The following KIF21A variants were observed in gnomAD, a reference collection of about 807,000 sequenced individuals.
KIF21A encodes the protein kinesin-like protein KIF21A.
Under a neutral mutation model 202.9 loss-of-function variants are expected in KIF21A, and 114 were observed. That is an observed-to-expected ratio of 0.56 (90% CI 0.48 to 0.66). The LOEUF is 0.66. Ranked by LOEUF, KIF21A falls within the 30% of genes least tolerant of loss-of-function variation. The probability of loss-of-function intolerance (pLI) is 0.00; values close to 1 mark genes in which losing one functional copy is unlikely to be tolerated. For missense variants in KIF21A, 1,677 were observed against 1,994.9 expected (o/e 0.84, Z 3.04); for synonymous variants, 667 against 670.8 (o/e 0.99, Z 0.09).
chr12:39,322,852 A>G lies in KIF21A; in HGVS notation c.3487T>C (p.Leu1163=), dbSNP rs1286012311. 6.2e-7 allele frequency: 1 copy of G among 1,610,200 alleles called. No homozygotes were observed. Among genetic ancestry groups the G allele is most frequent in the African/African-American group, 1.3e-5 (1 of 74,862 alleles). The change falls in exon 27 of 38, where the codon TTG becomes CTG. Residue 1163 remains leucine (L), a synonymous_variant. Coordinates refer to ENST00000361418, the MANE Select transcript of KIF21A (RefSeq NM_001173464.2). ...ARRRTTTQME[L]LYADSSELAS... Reference sequence around the variant, plus strand: ...AGTTCACTGCTATCTGCATACAGCAATTCCATCTGAGTGGTGGTTCTCCTT... The same window carrying G: ...AGTTCACTGCTATCTGCATACAGCAGTTCCATCTGAGTGGTGGTTCTCCTT...
In KIF21A at chr12:39,443,053, G is replaced by A. The variant is rs1460127072; in HGVS notation, c.-83C>T. 4 of 1,388,974 alleles carry A rather than the reference G, an allele frequency of 2.9e-6. No homozygotes were observed. Among genetic ancestry groups the A allele is most frequent in the Non-Finnish European group, 3.8e-6 (4 of 1,060,704 alleles). 86.0% of individuals were successfully genotyped at this position (1,388,974 alleles called of 1,614,324 possible). The stretch of plus-strand genomic sequence containing the variant: ...ACTGGGGCCGCGGGACTCGGGCGCA[G>A]TAGGCTGGGGCGTCTGCGGGCGGGC... On this transcript the variant is annotated 5_prime_UTR_variant, in exon 1 of 38. Transcript: ENST00000361418.
At chr12:39,325,936 T>A in intron 25 of KIF21A, 43 bp from the exon 26 acceptor site, 1 of 1,516,936 alleles carries the variant, frequency 6.6e-7, no homozygotes, top group South Asian at 1.1e-5. Flanking sequence ...AAATAGAAAA[T>A]TATTATAGAA....
intron 30 of KIF21A, 142 bp from the exon 31 acceptor site, chr12:39,315,382 G>GA (rs575051890): frequency 6.3e-5 from 45 of 710,376 alleles, no homozygotes; most frequent in South Asian, 1.3e-4. Context: ...TCCATAAAAT[G>GA]AAAAAAAATA....
At chr12:39,432,377 T>C (rs1239297139) in intron 1 of KIF21A, among the ~76,000 whole-genome samples, 3 of 152,146 alleles carry the variant, frequency 2.0e-5, no homozygotes, top group Non-Finnish European at 4.4e-5. Flanking sequence ...CAATAAACAC[T>C]CTTTGGTAAA....
At chr12:39,319,138 T>C (rs1411345920) in intron 28 of KIF21A, among the ~76,000 whole-genome samples, 1 of 152,202 alleles carries the variant, frequency 6.6e-6, no homozygotes, top group East Asian at 1.9e-4. Flanking sequence ...TATATTCACA[T>C]TTATTTTTAT....
chr12:39,389,217 T>C lies in KIF21A; in HGVS notation c.45-18956A>G, dbSNP rs557502809. On this transcript the variant is annotated intron_variant, in intron 1 of 37. Coordinates refer to ENST00000361418, the MANE Select transcript of KIF21A (RefSeq NM_001173464.2). Reference sequence around the variant, plus strand: ...ACACACACACACACACACACATATATACATACATGCTGATGTCTCCTGAAA... The same window carrying C: ...ACACACACACACACACACACATATACACATACATGCTGATGTCTCCTGAAA... Among the ~76,000 whole-genome samples, 10 of 146,928 alleles carry C rather than the reference T, an allele frequency of 6.8e-5. No individual in the cohort carries two copies. In the East Asian group the frequency reaches 2.1e-3, roughly 30 times the overall value.
At position 39,330,742 on chromosome 12, in the gene KIF21A, T is replaced by G. The variant is rs1475113696; in HGVS notation, c.3319+4A>C. The G allele has an allele frequency of 3.1e-6, 5 of 1,613,634 alleles. No homozygotes were observed. Among genetic ancestry groups the G allele is most frequent in the Non-Finnish European group, 4.2e-6 (5 of 1,179,714 alleles). On this transcript the variant is annotated splice_donor_region_variant and intron_variant, in intron 23 of 37. Coordinates refer to ENST00000361418, the MANE Select transcript of KIF21A (RefSeq NM_001173464.2). ...TCATTCAACTAAAATTGAGAGCAAA[T>G]TACCTTGTAAAGCATGGCCTAGTAA...
In KIF21A at chr12:39,363,222, AAG is replaced by A; in HGVS notation, c.904-11_904-10del. Reference sequence around the variant, plus strand: ...ACATTGCCAAGTGCCAACTAAAAGAAAGAGAAAGAAAGACAGCAAAATGATAC... The same window carrying A: ...ACATTGCCAAGTGCCAACTAAAAGAAAGAAAGAAAGACAGCAAAATGATAC... On this transcript the variant is annotated splice_polypyrimidine_tract_variant and intron_variant, in intron 6 of 37. Transcript: ENST00000361418. 1.3e-6 allele frequency: 2 copies of A among 1,507,374 alleles called. No homozygotes were observed. The highest frequency in any genetic ancestry group is 1.1e-5 in the South Asian group (1 of 88,554). 93.4% of individuals were successfully genotyped at this position (1,507,374 alleles called of 1,614,324 possible). A position where few individuals can be genotyped will look rare whatever the true frequency, so the allele number is the denominator to read the frequency against.
At chr12:39,390,536 A>C (rs947186634) in intron 1 of KIF21A, among the ~76,000 whole-genome samples, 1 of 152,118 alleles carries the variant, frequency 6.6e-6, no homozygotes, top group African/African-American at 2.4e-5. Flanking sequence ...CTAAGATCTA[A>C]ACCTTGCTCC....
At position 39,400,227 on chromosome 12, in the gene KIF21A, G is replaced by C. The variant is rs146574150; in HGVS notation, c.45-29966C>G. Among the ~76,000 whole-genome samples, 119 of 152,322 alleles carry C rather than the reference G, an allele frequency of 7.8e-4. 1 individual carries two copies. The highest frequency in any genetic ancestry group is 2.8e-3 in the African/African-American group (117 of 41,570). On this transcript the variant is annotated intron_variant, in intron 1 of 37. Transcript: ENST00000361418. ...CCTCTACTTTAGGTGATGAGAAGGA[G>C]AGCTGAGAGTCCAAGATCTTTTAAA...
At chr12:39,424,548 CACA>C (rs1954598461) in intron 1 of KIF21A, among the ~76,000 whole-genome samples, 3 of 152,164 alleles carry the variant, frequency 2.0e-5, no homozygotes, top group Admixed American at 2.0e-4. Flanking sequence ...GTCCAATATG[CACA>C]ACAATTTCAA....
chr12:39,317,984 A>G, intron 29 of KIF21A, 89 bp downstream of exon 29: 1 of 1,324,066 alleles, frequency 7.6e-7, no homozygotes, highest in Non-Finnish European at 1.1e-6. Context: ...CATCTCCTAC[A>G]CAGAGATGAC....
chr12:39,343,135 G>A (rs1003376770), intron 12 of KIF21A, among the ~76,000 whole-genome samples: 2 of 151,978 alleles, frequency 1.3e-5, no homozygotes, highest in Non-Finnish European at 2.9e-5. Context: ...AGGCTGAGGC[G>A]GGCAGATCAC....
At chr12:39,382,084 T>C (rs890261438) in intron 1 of KIF21A, among the ~76,000 whole-genome samples, 1 of 152,216 alleles carries the variant, frequency 6.6e-6, no homozygotes, top group Non-Finnish European at 1.5e-5. Context: ...TATTTGGAGA[T>C]TGTTTCAATT....
At chr12:39,302,392 C>T (rs1350284504) in intron 36 of KIF21A, among the ~76,000 whole-genome samples, 5 of 152,024 alleles carry the variant, frequency 3.3e-5, no homozygotes, top group Non-Finnish European at 2.9e-5. Flanking sequence ...CATATAAATA[C>T]CCACACATAT....
intron 1 of KIF21A, among the ~76,000 whole-genome samples, chr12:39,377,357 T>A (rs1394659236): frequency 6.6e-6 from 1 of 152,124 alleles, no homozygotes; most frequent in African/African-American, 2.4e-5. Context: ...TCCTTCCATT[T>A]CCCCAAAATT....
At position 39,355,707 on chromosome 12, in the gene KIF21A, TTATATATATA is replaced by T. The variant is rs10580436; in HGVS notation, c.1469+1115_1469+1124del. On this transcript the variant is annotated intron_variant, in intron 10 of 37. Transcript: ENST00000361418. ...TACCAAAAACATGAAGCATGAACAA[TTATATATATA>T]TATATATATATATATATGTTATATG... Among the ~76,000 whole-genome samples, 41 of 101,230 alleles carry T rather than the reference TTATATATATA, an allele frequency of 4.1e-4. 1 individual carries two copies. Among genetic ancestry groups the T allele is most frequent in the African/African-American group, 1.6e-3 (33 of 20,630 alleles). The allele number at this position is 101,230 out of a possible 152,430, so 66.4% of individuals were successfully genotyped here.
chr12:39,332,937 C>T lies in KIF21A; in HGVS notation c.2658G>A (p.Val886=). The T allele has an allele frequency of 6.2e-7, 1 of 1,614,074 alleles. No individual in the cohort carries two copies. The highest frequency in any genetic ancestry group is 8.5e-7 in the Non-Finnish European group (1 of 1,180,016). Residue 886 remains valine (V), a synonymous_variant, in exon 19 of 38, where the codon GTG becomes GTA. Coordinates refer to ENST00000361418, the MANE Select transcript of KIF21A (RefSeq NM_001173464.2). ...GCGTTGGTAAGGCCTGGACTCTCGC[C>T]ACAGGAATTCTCATTTTCTGCTGGG... ...TGAQQKMRIP[V]ARVQALPTPA...
chr12:39,441,392 C>T (rs560814972), intron 1 of KIF21A, among the ~76,000 whole-genome samples: 34 of 152,044 alleles, frequency 2.2e-4, no homozygotes, highest in African/African-American at 8.0e-4. Context: ...ATTTTATGCA[C>T]CTTCTTCACT....
Sources: gnomAD v4.1 joint callset for allele counts (sites outside exome capture counted in the v4.1 genomes callset) on GRCh38, gnomAD v4.1.1 for gene constraint, MANE v1.5 for transcripts, NCBI Gene and HGNC (gene_info 2026-07-23, HGNC 2026-07-21) for gene names.